Variants in MYO7A observed in about 807,000 individuals in gnomAD.
MYO7A encodes the protein myosin VIIA, also known as unconventional myosin-VIIa.
In MYO7A, 210 loss-of-function variants were observed where a neutral mutation model predicts 263.8. That is an observed-to-expected ratio of 0.80 (90% CI 0.71 to 0.89). The LOEUF (loss-of-function observed/expected upper bound fraction) is 0.89, where lower values mean the gene tolerates loss of function less well. MYO7A is among the 40% of genes least tolerant of loss of function. The pLI, the probability that MYO7A is intolerant of heterozygous loss-of-function variation, is 0.00. For missense variants in MYO7A, 2,820 were observed against 2,968.3 expected, an observed-to-expected ratio of 0.95 and a Z score of 1.16; for synonymous variants, 1,239 against 1,197.3, an observed-to-expected ratio of 1.03 and a Z score of -0.72.
intron 31 of MYO7A, chr11:77,194,095 T>C: frequency 1.5e-6 from 1 of 665,118 alleles, no homozygotes; most frequent in Non-Finnish European, 2.8e-6. Context: ...CATGTGCCCC[T>C]GGGCAGAGTC....
At chr11:77,199,916 C>A in intron 35 of MYO7A, 98 bp downstream of exon 35, 1 of 1,209,960 alleles carries the variant, frequency 8.3e-7, no homozygotes, top group South Asian at 1.8e-5. Context: ...ACACTGGAGG[C>A]TGGGAGATTT....
intron 2 of MYO7A, among the ~76,000 whole-genome samples, chr11:77,140,365 G>A (rs1365856118): frequency 1.3e-5 from 2 of 152,190 alleles, no homozygotes; most frequent in African/African-American, 4.8e-5. Flanking sequence ...CCCAGGGAAT[G>A]TCAGGAAAGA....
At chr11:77,160,139 C>A in intron 10 of MYO7A, 24 bp from the exon 11 acceptor site, 2 of 1,544,342 alleles carry the variant, frequency 1.3e-6, no homozygotes, top group Non-Finnish European at 1.7e-6. Flanking sequence ...GGCAGGTGAG[C>A]ACCTGGGGTG....
intron 44 of MYO7A, among the ~76,000 whole-genome samples, chr11:77,210,580 TAA>T (rs1957796730): frequency 6.6e-6 from 1 of 152,286 alleles, no homozygotes; most frequent in South Asian, 2.1e-4. Flanking sequence ...AAATTGTGTA[TAA>T]GATGACCATA....
chr11:77,193,480 ATGG>A (rs1167785856), intron 31 of MYO7A, among the ~76,000 whole-genome samples: 10 of 144,390 alleles, frequency 6.9e-5, no homozygotes, highest in Non-Finnish European at 1.1e-4. Flanking sequence ...GGTAGTGATG[ATGG>A]TGGTGATGGT....
At chr11:77,148,264 C>T (rs1951727312) in intron 4 of MYO7A, among the ~76,000 whole-genome samples, 1 of 152,208 alleles carries the variant, frequency 6.6e-6, no homozygotes, top group African/African-American at 2.4e-5. Flanking sequence ...AGTCAGTGAG[C>T]GGCTTGGTGC....
rs1555084353 is a variant in MYO7A, at chr11:77,181,581, G to A, written c.2896G>A (p.Gly966Ser). 2 of 1,613,018 alleles carry A rather than the reference G, an allele frequency of 1.2e-6. No homozygotes were observed. The highest frequency in any genetic ancestry group is 8.5e-7 in the Non-Finnish European group (1 of 1,179,802). Residue 966 changes from glycine (G) to serine (S), a missense_variant, in exon 23 of 49, where the codon GGC (glycine) becomes AGC (serine). Coordinates refer to ENST00000409709, the MANE Select transcript of MYO7A (RefSeq NM_000260.4). ...AGGCCAGGAGGGCCAGGCACCTAGT[G>A]GCTTTGAGGTACCAGGCTAGGGACA... ...LPGQEGQAPS[G>S]FEDLERGRRE...
At chr11:77,160,127 C>T in intron 10 of MYO7A, 36 bp from the exon 11 acceptor site, 1 of 1,540,998 alleles carries the variant, frequency 6.5e-7, no homozygotes, top group Non-Finnish European at 8.8e-7. Context: ...GAGGGGCAGG[C>T]TGGCAGGTGA....
chr11:77,197,370 G>A, intron 32 of MYO7A, 111 bp from the exon 33 acceptor site: 1 of 746,538 alleles, frequency 1.3e-6, no homozygotes, highest in South Asian at 1.8e-5. Flanking sequence ...ACGATGCACA[G>A]GAGGTGCAGG....
rs960599501 is a variant in MYO7A at position 77,214,802 on chromosome 11, C to G, written c.*106C>G. ...GGGAAGACTTATGCCATCCCGGCAG[C>G]GAGGCTGGGCTGGCCAGCCACCACT... On this transcript the variant is annotated 3_prime_UTR_variant, in exon 49 of 49. Transcript: ENST00000409709. 2 of 956,542 alleles carry G rather than the reference C, an allele frequency of 2.1e-6. No individual in the cohort carries two copies. Among genetic ancestry groups the G allele is most frequent in the African/African-American group, 3.3e-5 (2 of 61,138 alleles). The allele number at this position is 956,542 out of a possible 1,614,324, so 59.3% of individuals were successfully genotyped here.
intron 31 of MYO7A, 26 bp from the exon 32 acceptor site, chr11:77,194,328 C>T (rs778404263): frequency 6.2e-7 from 1 of 1,603,320 alleles, no homozygotes; most frequent in Admixed American, 1.7e-5. Flanking sequence ...TGGGCCAATG[C>T]ATGACCGAGG....
intron 15 of MYO7A, among the ~76,000 whole-genome samples, chr11:77,171,649 T>C (rs1954106083): frequency 6.6e-6 from 1 of 152,180 alleles, no homozygotes; most frequent in African/African-American, 2.4e-5. Context: ...TGCTACAGGA[T>C]ATCAGATGAA....
At position 77,190,147 on chromosome 11, in the gene MYO7A, C is replaced by CGTGTGTATG; in HGVS notation, c.3750+9_3750+17dup. On this transcript the variant is annotated intron_variant, in intron 29 of 48. Transcript: ENST00000409709. ...AGCTGGCTGGAGCTGCAGGTTCGTG[C>CGTGTGTATG]GTGTGTATGCACGTGCTCGTGTGCA... is the stretch of plus-strand genomic sequence containing the variant. The CGTGTGTATG allele has an allele frequency of 6.4e-7, 1 of 1,553,102 alleles. No individual in the cohort carries two copies. Among genetic ancestry groups the CGTGTGTATG allele is most frequent in the Non-Finnish European group, 8.7e-7 (1 of 1,149,228 alleles).
chr11:77,187,477 C>T (rs1159171312), intron 27 of MYO7A, among the ~76,000 whole-genome samples: 1 of 152,228 alleles, frequency 6.6e-6, no homozygotes, highest in East Asian at 1.9e-4. Context: ...CTTTGATCAT[C>T]ATCATCCAAC....
chr11:77,190,600 GCA>G, intron 29 of MYO7A, 95 bp from the exon 30 acceptor site: 8 of 1,368,598 alleles, frequency 5.8e-6, no homozygotes, highest in East Asian at 2.5e-5. Context: ...GGGTGCTGGG[GCA>G]CCTCCAACCC....
chr11:77,204,967 C>A, intron 39 of MYO7A, among the ~76,000 whole-genome samples: 1 of 152,212 alleles, frequency 6.6e-6, no homozygotes, highest in Admixed American at 6.5e-5. Flanking sequence ...TAGAAGCCCT[C>A]CAAACTTCCC....
Position 77,181,384 on chromosome 11 carries a change from G to T in MYO7A, c.2699G>T (p.Arg900Leu), listed in dbSNP as rs781790828. 8.3e-6 allele frequency: 13 copies of T among 1,561,432 alleles called. No individual in the cohort carries two copies. Among genetic ancestry groups the T allele is most frequent in the Non-Finnish European group, 8.7e-6 (10 of 1,154,416 alleles). Reference protein sequence around the residue: ...KEEAERKHQERLAQLAREDAE... With the variant: ...KEEAERKHQELLAQLAREDAE... ...TGTGTCACCCCAATTGCCCAGGAGC[G>T]CCTGGCCCAGCTGGCTCGTGAGGAC... The change falls in exon 23 of 49, where the codon CGC (arginine) becomes CTC (leucine). Residue 900 changes from arginine to leucine, a missense_variant. Coordinates refer to ENST00000409709, the MANE Select transcript of MYO7A (RefSeq NM_000260.4).
At chr11:77,143,253 T>C (rs1951338629) in intron 3 of MYO7A, among the ~76,000 whole-genome samples, 2 of 152,224 alleles carry the variant, frequency 1.3e-5, no homozygotes, top group African/African-American at 4.8e-5. Context: ...TAATAATACG[T>C]ATCTCACAGG....
intron 27 of MYO7A, 139 bp downstream of exon 27, chr11:77,184,854 T>G (rs1955546345): frequency 7.3e-7 from 1 of 1,372,422 alleles, no homozygotes; most frequent in Non-Finnish European, 1.0e-6. Context: ...AGTTAGGACC[T>G]TGGTGGAGTT....
Sources: allele counts gnomAD v4.1 joint callset (sites outside exome capture counted in the v4.1 genomes callset), GRCh38; gene constraint gnomAD v4.1.1; transcripts MANE v1.5; gene names NCBI Gene and HGNC (gene_info 2026-07-23, HGNC 2026-07-21).